Variants in FTSJ3 observed in about 807,000 individuals in gnomAD.
FTSJ3 encodes the protein FtsJ RNA 2'-O-methyltransferase 3, also known as pre-rRNA 2'-O-ribose RNA methyltransferase FTSJ3.
Under a neutral mutation model 111.5 loss-of-function variants are expected in FTSJ3, and 46 were observed. The observed-to-expected ratio is 0.41, with a 90% CI of 0.33 to 0.53. The LOEUF (loss-of-function observed/expected upper bound fraction) is 0.53, where lower values mean the gene tolerates loss of function less well. FTSJ3 is among the 20% of genes least tolerant of loss of function. The pLI, the probability that FTSJ3 is intolerant of heterozygous loss-of-function variation, is 0.19. For missense variants in FTSJ3, 1,075 were observed against 1,063.8 expected (o/e 1.01, Z -0.15); for synonymous variants, 408 against 383.0 (o/e 1.07, Z -0.76).
At chr17:63,820,976 A>T in intron 17 of FTSJ3, 38 bp from the exon 18 acceptor site, 1 of 1,610,398 alleles carries the variant, frequency 6.2e-7, no homozygotes, top group Non-Finnish European at 8.5e-7. Flanking sequence ...CTCAATTCCC[A>T]ATACTGAGAC....
chr17:63,827,654 G>A lies in FTSJ3; in HGVS notation c.-629C>T. 6.6e-7 allele frequency: 1 copy of A among 1,505,628 alleles called. No individual in the cohort carries two copies. The highest frequency in any genetic ancestry group is 2.5e-5 in the East Asian group (1 of 40,258). The allele number at this position is 1,505,628 out of a possible 1,614,324, so 93.3% of individuals were successfully genotyped here. ...CCAGTCCATGCTGGACGCTGCCTGC[G>A]ACCGGATCTGCTGTGTCAGCGCCGC... On this transcript the variant is annotated 5_prime_UTR_variant, in exon 1 of 21. Coordinates refer to ENST00000427159, the MANE Select transcript of FTSJ3 (RefSeq NM_017647.4).
At chr17:63,820,227 C>T (rs762631484) in intron 19 of FTSJ3, 28 bp downstream of exon 19, 4 of 1,607,992 alleles carry the variant, frequency 2.5e-6, no homozygotes, top group Non-Finnish European at 2.6e-6. Flanking sequence ...CCCCACCCCA[C>T]CCAATCTCTG....
Position 63,819,870 on chromosome 17 carries a change from A to G in FTSJ3, c.2476T>C (p.Ser826Pro). 1 of 1,614,024 alleles carries G rather than the reference A, an allele frequency of 6.2e-7. No homozygotes were observed. Among genetic ancestry groups the G allele is most frequent in the Non-Finnish European group, 8.5e-7 (1 of 1,179,986 alleles). Residue 826 changes from serine (S) to proline (P), a missense_variant, in exon 21 of 21, where the codon TCA becomes CCA. Ser to Pro is a moderately conservative substitution (Grantham distance 74, BLOSUM62 -1). Transcript: ENST00000427159. ...GCTCTTTGGTCCTTCTTCATCCTTG[A>G]GTCCACCACCTTGAAATGACCTCTG... ...GVRGHFKVVD[S>P]RMKKDQRAQQ...
Position 63,820,079 on chromosome 17 carries a change from C to A in FTSJ3, c.2351G>T (p.Ser784Ile). 1 of 1,614,150 alleles carries A rather than the reference C, an allele frequency of 6.2e-7. No individual in the cohort carries two copies. The highest frequency in any genetic ancestry group is 8.5e-7 in the Non-Finnish European group (1 of 1,180,022). The change falls in exon 20 of 21, where the codon AGT (serine) becomes ATT (isoleucine). Residue 784 changes from serine to isoleucine, a missense_variant and splice_region_variant. Around this residue, in one of 2 missense-constraint regions of FTSJ3, gnomAD observed 867 missense variants for 796.9 expected, o/e 1.09. Coordinates refer to ENST00000427159, the MANE Select transcript of FTSJ3 (RefSeq NM_017647.4). ...SEREKVAQLR[S>I]LYKKAGLGKE... ...TACCTTTGTGGTGTCCTCCCATTACCTTCGCAGCTGTGCCACTTTCTCTCG... is the reference window on the plus strand; with the variant it reads ...TACCTTTGTGGTGTCCTCCCATTACATTCGCAGCTGTGCCACTTTCTCTCG...
chr17:63,821,339 G>C lies in FTSJ3; in HGVS notation c.1886+15C>G, dbSNP rs774343366. 9 of 1,591,574 alleles carry C rather than the reference G, an allele frequency of 5.7e-6. No individual in the cohort carries two copies. The highest frequency in any genetic ancestry group is 7.7e-6 in the Non-Finnish European group (9 of 1,168,420). ...CGCTTCCTTTCCATCCCTTCTCTCA[G>C]CTGCAACTACTCACCTCTCTTCTTC... On this transcript the variant is annotated intron_variant, in intron 16 of 20. Transcript: ENST00000427159.
Position 63,819,832 on chromosome 17 carries a change from C to G in FTSJ3, c.2514G>C (p.Lys838Asn). ...MKKDQRAQQR[K>N]EQKKKHKRK ...TCCGTTTGTGTTTTTTCTTTTGTTC[C>G]TTACGTTGCTGTGCTCTTTGGTCCT... The change falls in exon 21 of 21, where the codon AAG (lysine) becomes AAC (asparagine). Residue 838 changes from lysine (K) to asparagine (N), a missense_variant. Lys to Asn is a moderately conservative substitution (Grantham distance 94). This residue lies in a region of FTSJ3 where 867 missense variants were observed against 796.9 expected (regional missense o/e 1.09). Coordinates refer to ENST00000427159, the MANE Select transcript of FTSJ3 (RefSeq NM_017647.4). 6.2e-7 allele frequency: 1 copy of G among 1,613,326 alleles called. No homozygotes were observed. Among genetic ancestry groups the G allele is most frequent in the South Asian group, 1.1e-5 (1 of 91,040 alleles).
At position 63,819,944 on chromosome 17, in the gene FTSJ3, A is replaced by T. The variant is rs750138661; in HGVS notation, c.2402T>A (p.Val801Asp). 6.2e-7 allele frequency: 1 copy of T among 1,614,128 alleles called. No individual in the cohort carries two copies. The highest frequency in any genetic ancestry group is 1.7e-5 in the Admixed American group (1 of 60,018). ...LGKEKRHVTY[V>D]VAKKGVGRKV... ...GCGGCCCACACCTTTTTTGGCTACA[A>T]CGTAGGTGACATGGCGTTTCTCCTT... Residue 801 changes from valine to aspartate, a missense_variant, in exon 21 of 21, where the codon GTT becomes GAT. By Grantham distance (152) the Val-to-Asp change is radical (BLOSUM62 -3). This residue lies in a region of FTSJ3 where 867 missense variants were observed against 796.9 expected (regional missense o/e 1.09). Coordinates refer to ENST00000427159, the MANE Select transcript of FTSJ3 (RefSeq NM_017647.4).
Position 63,824,720 on chromosome 17 carries a change from T to A in FTSJ3, c.834A>T (p.Glu278Asp), listed in dbSNP as rs528345621. Residue 278 changes from glutamate (E) to aspartate (D), a missense_variant, in exon 10 of 21, where the codon GAA becomes GAT. Physicochemically the swap from Glu to Asp is conservative, Grantham distance 45. Coordinates refer to ENST00000427159, the MANE Select transcript of FTSJ3 (RefSeq NM_017647.4). Reference sequence around the variant, plus strand: ...TGGTAGCTGGATGCTGTGCCAACTCTTCATCATCTACCATGATCTGTTTGG... The same window carrying A: ...TGGTAGCTGGATGCTGTGCCAACTCATCATCATCTACCATGATCTGTTTGG... ...SKASEIMVDD[E>D]ELAQHPATTE... is the part of the protein sequence containing the mutation. 14 of 1,613,876 alleles carry A rather than the reference T, an allele frequency of 8.7e-6. No homozygotes were observed. The African/African-American group carries it at 9.3e-5, about 11-fold the overall frequency.
rs752621 is a variant in FTSJ3, at chr17:63,824,520, G to T, written c.918-109C>A. Reference sequence around the variant, plus strand: ...CGGGCTTCGGCTACATAAATCAAAAGGCTCAGGCCCCCATCCCAAACCTTT... The same window carrying T: ...CGGGCTTCGGCTACATAAATCAAAATGCTCAGGCCCCCATCCCAAACCTTT... On this transcript the variant is annotated intron_variant, in intron 10 of 20. Coordinates refer to ENST00000427159, the MANE Select transcript of FTSJ3 (RefSeq NM_017647.4). 4 of 1,442,712 alleles carry T rather than the reference G, an allele frequency of 2.8e-6. No individual in the cohort carries two copies. In the African/African-American group the frequency reaches 5.6e-5, roughly 20 times the overall value. 89.4% of individuals were successfully genotyped at this position (1,442,712 alleles called of 1,614,324 possible).
At position 63,820,452 on chromosome 17, in the gene FTSJ3, A is replaced by G. The variant is rs201468999; in HGVS notation, c.2073-14T>C. 1 of 1,612,984 alleles carries G rather than the reference A, an allele frequency of 6.2e-7. No individual in the cohort carries two copies. The highest frequency in any genetic ancestry group is 1.3e-5 in the African/African-American group (1 of 74,832). The stretch of plus-strand genomic sequence containing the variant: ...TTAAATGTGTACCTGAGTGGAAAGG[A>G]CATCTGTCTAATATCCAACATTCCA... On this transcript the variant is annotated splice_polypyrimidine_tract_variant and intron_variant, in intron 18 of 20. Transcript: ENST00000427159.
Position 63,822,172 on chromosome 17 carries a change from A to C in FTSJ3, c.1291-4T>G. On this transcript the variant is annotated splice_polypyrimidine_tract_variant and splice_region_variant and intron_variant, in intron 13 of 20. Coordinates refer to ENST00000427159, the MANE Select transcript of FTSJ3 (RefSeq NM_017647.4). ...CTTGTGTTACTTCCTCTAATAACTG[A>C]AGTGTAACAGAAACAAAGGTAAACT... is the stretch of plus-strand genomic sequence containing the variant. 1 of 1,612,518 alleles carries C rather than the reference A, an allele frequency of 6.2e-7. No individual in the cohort carries two copies.
Position 63,820,519 on chromosome 17 carries a change from G to C in FTSJ3, c.2073-81C>G, listed in dbSNP as rs560760522. On this transcript the variant is annotated intron_variant, in intron 18 of 20. Coordinates refer to ENST00000427159, the MANE Select transcript of FTSJ3 (RefSeq NM_017647.4). ...TACCAGACTGGGCACGGTGGCTCAC[G>C]CCTGTAATCCCTGCACTTTGGGAGG... 14 of 1,407,580 alleles carry C rather than the reference G, an allele frequency of 9.9e-6. No individual in the cohort carries two copies. In the South Asian group the frequency reaches 1.6e-4, roughly 16 times the overall value. The allele number at this position is 1,407,580 out of a possible 1,614,324, so 87.2% of individuals were successfully genotyped here.
At chr17:63,823,766 C>T (rs1354000591) in intron 13 of FTSJ3, 51 bp downstream of exon 13, 1 of 1,594,532 alleles carries the variant, frequency 6.3e-7, no homozygotes, top group Non-Finnish European at 8.6e-7. Flanking sequence ...CCTCCAAACA[C>T]CCAAACAGAT....
chr17:63,822,270 A>T, intron 13 of FTSJ3, 102 bp from the exon 14 acceptor site: 1 of 945,900 alleles, frequency 1.1e-6, no homozygotes, highest in East Asian at 2.6e-5. Flanking sequence ...ACTAGAAAGA[A>T]CACTGGCAAA....
Position 63,827,448 on chromosome 17 carries a change from C to T in FTSJ3, c.-423G>A, listed in dbSNP as rs2040120913. ...AATCCTCCGCTTCCGCGCTTGCGCG[C>T]CAAGACGGCTCGGATGCCGGCGGTC... On this transcript the variant is annotated 5_prime_UTR_variant, in exon 1 of 21. Coordinates refer to ENST00000427159, the MANE Select transcript of FTSJ3 (RefSeq NM_017647.4). 6 of 1,551,642 alleles carry T rather than the reference C, an allele frequency of 3.9e-6. No individual in the cohort carries two copies. The highest frequency in any genetic ancestry group is 5.2e-6 in the Non-Finnish European group (6 of 1,147,014).
chr17:63,820,475 C>A, intron 18 of FTSJ3, 37 bp from the exon 19 acceptor site: 1 of 1,600,218 alleles, frequency 6.2e-7, no homozygotes, highest in Non-Finnish European at 8.6e-7. Context: ...ATCCAACATT[C>A]CAGGCTTTCT....
At chr17:63,821,006 T>A (rs370663210) in intron 17 of FTSJ3, 24 bp downstream of exon 17, 49 of 1,608,952 alleles carry the variant, frequency 3.0e-5, no homozygotes, top group Non-Finnish European at 4.1e-5. Flanking sequence ...TCTTTTCTCA[T>A]TCCACTGCAT....
At position 63,827,043 on chromosome 17, in the gene FTSJ3, G is replaced by C. The variant is rs532022785; in HGVS notation, c.-27+9C>G. 58 of 789,374 alleles carry C rather than the reference G, an allele frequency of 7.3e-5. 1 individual carries two copies. Among genetic ancestry groups the C allele is most frequent in the South Asian group, 5.4e-4 (36 of 67,230 alleles). The allele number at this position is 789,374 out of a possible 1,614,324, so 48.9% of individuals were successfully genotyped here. ...GCAATTCCACCCCGCGCCCCTCTCC[G>C]CACACTACCTAGACCCAGAGCCGCT... On this transcript the variant is annotated intron_variant, in intron 1 of 20. Coordinates refer to ENST00000427159, the MANE Select transcript of FTSJ3 (RefSeq NM_017647.4).
In FTSJ3 at chr17:63,820,832, C is replaced by G; in HGVS notation, c.2072+7G>C. On this transcript the variant is annotated splice_region_variant and intron_variant, in intron 18 of 20. Transcript: ENST00000427159. ...GGTCACTCTTGATGAGTTTATGGCCCCTTTACCGGTTGAAGGAGTTATCTA... is the reference window on the plus strand; with the variant it reads ...GGTCACTCTTGATGAGTTTATGGCCGCTTTACCGGTTGAAGGAGTTATCTA... The G allele has an allele frequency of 6.2e-7, 1 of 1,605,024 alleles. No homozygotes were observed. The highest frequency in any genetic ancestry group is 2.2e-5 in the East Asian group (1 of 44,826).
Sources: gnomAD v4.1 joint callset for allele counts on GRCh38, gnomAD v4.1.1 for gene constraint, gnomAD v4.1.1 regional missense constraint, MANE v1.5 for transcripts, NCBI Gene and HGNC (gene_info 2026-07-23, HGNC 2026-07-21) for gene names.